Variants in APPL2 observed in about 807,000 individuals in gnomAD.
APPL2 encodes DCC-interacting protein 13-beta.
APPL2 carries 84 observed loss-of-function variants against 92.7 expected under a neutral mutation model. The observed-to-expected ratio is 0.91, with a 90% confidence interval of 0.76 to 1.09. The LOEUF (loss-of-function observed/expected upper bound fraction) is 1.09, where lower values mean the gene tolerates loss of function less well. Among genes scored for constraint, APPL2 ranks in the 50% least tolerant of loss-of-function variants. APPL2 has a pLI of 0.00. For synonymous variants in APPL2, 291 were observed against 291.0 expected, an observed-to-expected ratio of 1.00 and a Z score of 0.00; for missense variants, 736 against 824.5, an observed-to-expected ratio of 0.89 and a Z score of 1.31.
intron 20 of APPL2, 93 bp from the exon 21 acceptor site, chr12:105,174,541 G>T: frequency 7.3e-7 from 1 of 1,371,074 alleles, no homozygotes; most frequent in Non-Finnish European, 9.8e-7. Flanking sequence ...CTGTAATCTA[G>T]TCTTGTTTCT....
chr12:105,198,033 G>A (rs948096602), intron 10 of APPL2, 80 bp from the exon 11 acceptor site: 2 of 1,369,854 alleles, frequency 1.5e-6, no homozygotes, highest in South Asian at 2.6e-5. Context: ...CTCGTTATGG[G>A]TACTGGTGGC....
At chr12:105,220,674 C>T (rs1321653842) in intron 2 of APPL2, among the ~76,000 whole-genome samples, 2 of 152,216 alleles carry the variant, frequency 1.3e-5, no homozygotes, top group Non-Finnish European at 2.9e-5. Context: ...ATGGGCCACT[C>T]AAGTTCTTCC....
intron 2 of APPL2, among the ~76,000 whole-genome samples, chr12:105,219,472 C>T (rs1410968227): frequency 6.6e-6 from 1 of 152,196 alleles, no homozygotes; most frequent in African/African-American, 2.4e-5. Context: ...AGCAAGTGGA[C>T]AAAGCCACAA....
chr12:105,185,085 G>A (rs35462155), intron 17 of APPL2, among the ~76,000 whole-genome samples: 27,254 of 152,114 alleles, frequency 0.18, 2,607 homozygotes, highest in East Asian at 0.25. Flanking sequence ...TCAAGCCTCA[G>A]TAATGGCGGA....
intron 17 of APPL2, 144 bp downstream of exon 17, chr12:105,188,129 C>T: frequency 1.1e-6 from 1 of 878,504 alleles, no homozygotes; most frequent in South Asian, 1.8e-5. Flanking sequence ...ACTTTCTAGG[C>T]TATCTATCTT....
chr12:105,177,526 A>G (rs1885672155), intron 17 of APPL2: 6 of 499,092 alleles, frequency 1.2e-5, no homozygotes, highest in Admixed American at 3.3e-5. Context: ...AACTTACCCA[A>G]ACAGACAGCA....
intron 1 of APPL2, among the ~76,000 whole-genome samples, chr12:105,230,816 A>C (rs1317394442): frequency 6.6e-6 from 1 of 152,228 alleles, no homozygotes. Context: ...TACTGTCTTC[A>C]GTACCAATGC....
In APPL2 at chr12:105,208,532, C is replaced by T. The variant is rs564122304; in HGVS notation, c.374-333G>A. 3.1e-3 allele frequency among the ~76,000 whole-genome samples: 470 copies of T among 152,318 alleles called. 1 individual carries two copies. Among genetic ancestry groups the T allele is most frequent in the Non-Finnish European group, 4.5e-3 (307 of 68,030 alleles). On this transcript the variant is annotated intron_variant, in intron 5 of 20. Transcript: ENST00000258530. The stretch of plus-strand genomic sequence containing the variant: ...TTTTCATGGAGACCTGGAGTATAAA[C>T]TTAAGTTCTGATGCCTCAGCCCCCA...
At chr12:105,216,909 T>C (rs557825477) in intron 4 of APPL2, among the ~76,000 whole-genome samples, 160 bp downstream of exon 4, 1 of 152,342 alleles carries the variant, frequency 6.6e-6, no homozygotes, top group Non-Finnish European at 1.5e-5. Flanking sequence ...TAATAGTTAG[T>C]GTATAACCTC....
chr12:105,192,134 CA>C (rs1887258311), intron 14 of APPL2, among the ~76,000 whole-genome samples: 2 of 152,164 alleles, frequency 1.3e-5, no homozygotes, highest in Admixed American at 6.5e-5. Context: ...TGTTCAGCTC[CA>C]ACTGAAGTCA....
intron 2 of APPL2, among the ~76,000 whole-genome samples, chr12:105,221,213 A>C (rs1890075396): frequency 6.6e-6 from 1 of 152,230 alleles, no homozygotes; most frequent in South Asian, 2.1e-4. Context: ...AGGACTTGCA[A>C]AACTGGAGCC....
chr12:105,211,818 G>A (rs921458645), intron 4 of APPL2, among the ~76,000 whole-genome samples: 6 of 152,178 alleles, frequency 3.9e-5, no homozygotes. Flanking sequence ...AAGTGACTCT[G>A]GAGAAAGAAT....
At chr12:105,219,147 T>G (rs2136053691) in intron 2 of APPL2, among the ~76,000 whole-genome samples, 1 of 152,342 alleles carries the variant, frequency 6.6e-6, no homozygotes, top group East Asian at 1.9e-4. Context: ...TCTCCTGGGG[T>G]TGTTGTTCCT....
chr12:105,200,888 C>G (rs201697367), intron 9 of APPL2, among the ~76,000 whole-genome samples: 171 of 136,962 alleles, frequency 1.2e-3, no homozygotes, highest in East Asian at 0.012. Context: ...ATCTATCTAT[C>G]TATCTATCTA....
intron 17 of APPL2, among the ~76,000 whole-genome samples, chr12:105,186,655 TC>T (rs1886689515): frequency 2.4e-4 from 10 of 42,544 alleles, no homozygotes; most frequent in Middle Eastern, 0.029. Flanking sequence ...GATATCGATA[TC>T]ATATATATCA....
chr12:105,186,667 T>TATATATGATATGATATCATTATATC (rs1886709583), intron 17 of APPL2, among the ~76,000 whole-genome samples: 2 of 33,122 alleles, frequency 6.0e-5, no homozygotes, highest in African/African-American at 1.3e-4. Flanking sequence ...ATATATATCA[T>TATATATGATATGATATCATTATATC]ATATATGATA....
intron 8 of APPL2, 112 bp from the exon 9 acceptor site, chr12:105,203,897 TC>T: frequency 1.2e-6 from 1 of 858,378 alleles, no homozygotes; most frequent in African/African-American, 1.7e-5. Flanking sequence ...CTGGCCCGCC[TC>T]GCACGCGGCA....
In APPL2 at chr12:105,189,629, A is replaced by G. The variant is rs1887020694; in HGVS notation, c.1459+143T>C. ...TATCCAAGACTTGCCTCCACTGCAG[A>G]TATCTTACTAAACTTTCAGAACAAC... On this transcript the variant is annotated intron_variant, in intron 16 of 20. Transcript: ENST00000258530. The G allele has an allele frequency of 9.6e-6, 9 of 937,154 alleles. No individual in the cohort carries two copies. The Admixed American group carries it at 1.5e-4, about 16-fold the overall frequency. 58.1% of individuals were successfully genotyped at this position (937,154 alleles called of 1,614,324 possible). A position where few individuals can be genotyped will look rare whatever the true frequency, so the allele number is the denominator to read the frequency against.
At chr12:105,176,514 T>C (rs1885558751) in intron 19 of APPL2, 1 of 417,590 alleles carries the variant, frequency 2.4e-6, no homozygotes, top group South Asian at 7.3e-5. Context: ...TTTTCTAATA[T>C]CTTCCTTGGT....
Sources: allele counts gnomAD v4.1 joint callset (sites outside exome capture counted in the v4.1 genomes callset), GRCh38; gene constraint gnomAD v4.1.1; transcripts MANE v1.5; gene names NCBI Gene and HGNC (gene_info 2026-07-23, HGNC 2026-07-21).